Variants in PTPRN2 observed in about 807,000 individuals in gnomAD.
PTPRN2 encodes protein tyrosine phosphatase receptor type N2.
A neutral mutation model predicts 118.8 loss-of-function variants in PTPRN2; 74 were observed. The observed-to-expected ratio is 0.62, with a 90% CI of 0.52 to 0.76. The LOEUF is 0.76. PTPRN2 is among the 30% of genes least tolerant of loss of function. The pLI is 0.00. For missense variants in PTPRN2, 1,481 were observed against 1,394.4 expected (o/e 1.06, Z -0.99); for synonymous variants, 641 against 608.0 (o/e 1.05, Z -0.80).
At chr7:158,338,682 C>T (rs1317475111) in intron 2 of PTPRN2, among the ~76,000 whole-genome samples, 1 of 19,936 alleles carries the variant, frequency 5.0e-5, no homozygotes. Context: ...ACACAGTTCT[C>T]ACCATAAGAG....
chr7:157,783,295 C>T (rs926372520), intron 12 of PTPRN2, among the ~76,000 whole-genome samples: 1 of 151,904 alleles, frequency 6.6e-6, no homozygotes, highest in Admixed American at 6.6e-5. Context: ...TGCTGTGACA[C>T]GTGGCCTGTT....
chr7:158,133,580 C>A lies in PTPRN2; in HGVS notation c.1556+97G>T. 2.7e-6 allele frequency: 4 copies of A among 1,463,008 alleles called. No individual in the cohort carries two copies. In the Admixed American group the frequency reaches 6.8e-5, roughly 25 times the overall value. 90.6% of individuals were successfully genotyped at this position (1,463,008 alleles called of 1,614,324 possible). A position where few individuals can be genotyped will look rare whatever the true frequency, so the allele number is the denominator to read the frequency against. ...TTATTCAGTTGAAGACACTTAAAAG[C>A]GTATGCATCCGCCACAGCAAGGAGG... On this transcript the variant is annotated intron_variant, in intron 9 of 22. Transcript: ENST00000389418.
chr7:157,826,878 G>A (rs1015609739), intron 12 of PTPRN2, among the ~76,000 whole-genome samples: 3 of 152,084 alleles, frequency 2.0e-5, no homozygotes, highest in East Asian at 1.9e-4. Flanking sequence ...TCCTGCGCAC[G>A]GGGCAGCGAA....
At position 157,943,349 on chromosome 7, in the gene PTPRN2, G is replaced by A. The variant is rs554895647; in HGVS notation, c.1724-44612C>T. 1.3e-3 allele frequency among the ~76,000 whole-genome samples: 193 copies of A among 152,152 alleles called. 2 individuals carry two copies. Among genetic ancestry groups the A allele is most frequent in the African/African-American group, 3.9e-3 (163 of 41,518 alleles). ...CCATGCCCCCTCCCATGCCCCAGAC[G>A]GTCCTTTCTGAATGGCCGACTTAGA... On this transcript the variant is annotated intron_variant, in intron 11 of 22. Transcript: ENST00000389418.
Position 158,570,057 on chromosome 7 carries a change from C to A in PTPRN2, c.112+17501G>T, listed in dbSNP as rs1375069145. ...TCCCTCGCGTTCCCTCAGGCGCGTC[C>A]TCCACCCGTTTCCCCCAGGCAGGGG... On this transcript the variant is annotated intron_variant, in intron 1 of 22. Coordinates refer to ENST00000389418, the MANE Select transcript of PTPRN2 (RefSeq NM_002847.5). This position sits in a 1 kb window ranked among gnomAD's most constrained non-coding sequence, Gnocchi z 4.5. 6.6e-6 allele frequency among the ~76,000 whole-genome samples: 1 copy of A among 152,184 alleles called. No individual in the cohort carries two copies. The highest frequency in any genetic ancestry group is 1.5e-5 in the Non-Finnish European group (1 of 68,024).
chr7:158,392,552 G>A (rs550638516), intron 2 of PTPRN2, among the ~76,000 whole-genome samples: 1 of 152,336 alleles, frequency 6.6e-6, no homozygotes, highest in Admixed American at 6.5e-5. Context: ...AGCCAGTGAG[G>A]ATGGCAGAAC....
chr7:157,649,654 G>A (rs1430517614), intron 14 of PTPRN2, among the ~76,000 whole-genome samples: 5 of 97,862 alleles, frequency 5.1e-5, no homozygotes, highest in East Asian at 4.3e-4. Context: ...TCGGTGGGTC[G>A]GACCCATCCA....
At chr7:158,469,315 C>T (rs1215399665) in intron 2 of PTPRN2, among the ~76,000 whole-genome samples, 1 of 152,132 alleles carries the variant, frequency 6.6e-6, no homozygotes, top group Non-Finnish European at 1.5e-5. Context: ...GTGGCAGGCA[C>T]TTGTAATCCC....
intron 12 of PTPRN2, among the ~76,000 whole-genome samples, chr7:157,687,049 A>T (rs1366236148): frequency 6.6e-6 from 1 of 152,120 alleles, no homozygotes; most frequent in Non-Finnish European, 1.5e-5. Flanking sequence ...TGTGATTCAA[A>T]ATAAGTGTAT....
At chr7:157,922,384 G>A (rs1034851048) in intron 11 of PTPRN2, among the ~76,000 whole-genome samples, 6 of 152,296 alleles carry the variant, frequency 3.9e-5, no homozygotes, top group Non-Finnish European at 8.8e-5. Flanking sequence ...GGAAATGGGG[G>A]TCTGGGTCTC....
At chr7:158,284,152 G>A (rs1382688208) in intron 3 of PTPRN2, among the ~76,000 whole-genome samples, 2 of 152,258 alleles carry the variant, frequency 1.3e-5, no homozygotes, top group African/African-American at 4.8e-5. Context: ...TGTGTCCAAT[G>A]TGTGTCGTGC....
In PTPRN2 at chr7:157,995,888, T is replaced by C. The variant is rs111325879; in HGVS notation, c.1723+85410A>G. Among the ~76,000 whole-genome samples, 566 of 152,286 alleles carry C rather than the reference T, an allele frequency of 3.7e-3. 7 individuals are homozygous for C. The highest frequency in any genetic ancestry group is 0.013 in the African/African-American group (527 of 41,564). On this transcript the variant is annotated intron_variant, in intron 11 of 22. Coordinates refer to ENST00000389418, the MANE Select transcript of PTPRN2 (RefSeq NM_002847.5). ...TGAAATCGACGTAAGTGTCCATCAG[T>C]GGATGAATGGATAAAGAAAACGTGG...
intron 12 of PTPRN2, among the ~76,000 whole-genome samples, chr7:157,786,301 G>C (rs1804034084): frequency 6.6e-6 from 1 of 152,252 alleles, no homozygotes; most frequent in African/African-American, 2.4e-5. Flanking sequence ...TGCTAGTTCA[G>C]TATTTATTTA....
At chr7:158,279,623 C>T (rs571349661) in intron 3 of PTPRN2, among the ~76,000 whole-genome samples, 28 of 152,366 alleles carry the variant, frequency 1.8e-4, no homozygotes, top group Non-Finnish European at 1.0e-4. Flanking sequence ...GCCAGTCCCA[C>T]GGAGTGCCAG....
intron 6 of PTPRN2, among the ~76,000 whole-genome samples, chr7:158,148,006 CT>C (rs1820378384): frequency 3.8e-5 from 1 of 26,566 alleles, no homozygotes; most frequent in Non-Finnish European, 7.8e-5. Flanking sequence ...CGCCACGTGT[CT>C]TTCCCCCTCA....
At chr7:158,401,203 A>G (rs1812920832) in intron 2 of PTPRN2, among the ~76,000 whole-genome samples, 1 of 134,462 alleles carries the variant, frequency 7.4e-6, no homozygotes. Flanking sequence ...GCGGGCTCCA[A>G]GCCCCTCAGA....
chr7:157,811,311 G>T, intron 12 of PTPRN2, among the ~76,000 whole-genome samples: 1 of 132,370 alleles, frequency 7.6e-6, no homozygotes, highest in African/African-American at 2.8e-5. Context: ...AAAAACTCAT[G>T]GATTTTTGTA....
Position 157,953,731 on chromosome 7 carries a change from C to T in PTPRN2, c.1724-54994G>A, listed in dbSNP as rs775633273. Among the ~76,000 whole-genome samples the T allele has an allele frequency of 3.9e-5, 6 of 151,950 alleles. No homozygotes were observed. The highest frequency in any genetic ancestry group is 8.8e-5 in the Non-Finnish European group (6 of 67,984). ...AGGGCCAAGTCTGAGGACTCAGACCCGGGGCAGCTGGTGGAAGCTGGGGTT... is the reference window on the plus strand; with the variant it reads ...AGGGCCAAGTCTGAGGACTCAGACCTGGGGCAGCTGGTGGAAGCTGGGGTT... On this transcript the variant is annotated intron_variant, in intron 11 of 22. Transcript: ENST00000389418. The surrounding 1 kb of genome is among the most constrained non-coding windows in gnomAD (Gnocchi z 4.6).
intron 2 of PTPRN2, among the ~76,000 whole-genome samples, chr7:158,324,528 G>C (rs1803325320): frequency 6.6e-6 from 1 of 151,892 alleles, no homozygotes; most frequent in Non-Finnish European, 1.5e-5. Context: ...CCCTAGGAGG[G>C]GCTGGCATGA....
Sources: allele counts gnomAD v4.1 joint callset (sites outside exome capture counted in the v4.1 genomes callset), GRCh38; gene constraint gnomAD v4.1.1; non-coding constraint Gnocchi (gnomAD v3.1); transcripts MANE v1.5; gene names NCBI Gene and HGNC (gene_info 2026-07-23, HGNC 2026-07-21).